Variants in MARCHF3 observed in about 807,000 individuals in gnomAD.
MARCHF3 encodes membrane associated ring-CH-type finger 3.
Under a neutral mutation model 24.2 loss-of-function variants are expected in MARCHF3, and 13 were observed. The ratio of observed to expected loss-of-function variants is 0.54; its 90% CI spans 0.35 to 0.85. MARCHF3 has a LOEUF of 0.85. MARCHF3 is among the 40% of genes least tolerant of loss of function. The probability of loss-of-function intolerance (pLI) is 0.01; values close to 1 mark genes in which losing one functional copy is unlikely to be tolerated. For synonymous variants in MARCHF3, 144 were observed against 137.3 expected, an observed-to-expected ratio of 1.05 and a Z score of -0.34; for missense variants, 276 against 325.0, an observed-to-expected ratio of 0.85 and a Z score of 1.16.
intron 4 of MARCHF3, among the ~76,000 whole-genome samples, chr5:126,873,824 A>G (rs1753053779): frequency 6.6e-6 from 1 of 152,246 alleles, no homozygotes; most frequent in South Asian, 2.1e-4. Context: ...CTTCTTTGTC[A>G]GGGAAAATAA....
intron 1 of MARCHF3, among the ~76,000 whole-genome samples, chr5:126,998,117 T>G (rs752742762): frequency 6.6e-6 from 1 of 151,868 alleles, no homozygotes; most frequent in Admixed American, 6.5e-5. Context: ...ATGGGAAATC[T>G]TGGGTCTTGG....
At chr5:126,953,807 T>A (rs1750335520) in intron 1 of MARCHF3, among the ~76,000 whole-genome samples, 1 of 152,208 alleles carries the variant, frequency 6.6e-6, no homozygotes, top group Admixed American at 6.5e-5. Flanking sequence ...CTTTGTCTGC[T>A]CTTTCTGACG....
At chr5:126,964,089 G>A (rs1028090698) in intron 1 of MARCHF3, among the ~76,000 whole-genome samples, 4 of 152,316 alleles carry the variant, frequency 2.6e-5, no homozygotes, top group Middle Eastern at 6.8e-3. Context: ...AAGATCTTGA[G>A]CTAAGGTTAG....
In MARCHF3 at chr5:126,976,229, C is replaced by T. The variant is rs954838195; in HGVS notation, c.-57+54121G>A. On this transcript the variant is annotated intron_variant, in intron 1 of 4. Coordinates refer to ENST00000308660, the MANE Select transcript of MARCHF3 (RefSeq NM_178450.5). ...TCCTCTATGGGACACACCTGGGTGTCCATACTACAGTGTGGAGGACCTTGA... is the reference window on the plus strand; with the variant it reads ...TCCTCTATGGGACACACCTGGGTGTTCATACTACAGTGTGGAGGACCTTGA... 2.6e-5 allele frequency among the ~76,000 whole-genome samples: 4 copies of T among 152,182 alleles called. No individual in the cohort carries two copies. In the East Asian group the frequency reaches 5.8e-4, roughly 22 times the overall value.
chr5:126,895,653 G>C (rs1385252271), intron 3 of MARCHF3, among the ~76,000 whole-genome samples: 5 of 152,138 alleles, frequency 3.3e-5, no homozygotes, highest in African/African-American at 4.8e-5. Context: ...CCCACTTGAG[G>C]AGGCAGTCTG....
At chr5:126,954,375 ATT>A (rs764704624) in intron 1 of MARCHF3, among the ~76,000 whole-genome samples, 6 of 144,336 alleles carry the variant, frequency 4.2e-5, no homozygotes, top group African/African-American at 2.5e-5. Context: ...TATGGATACA[ATT>A]TTTTTTTTTT....
In MARCHF3 at chr5:126,872,832, C is replaced by T. The variant is rs1753019390; in HGVS notation, c.604-2041G>A. On this transcript the variant is annotated intron_variant, in intron 4 of 4. Coordinates refer to ENST00000308660, the MANE Select transcript of MARCHF3 (RefSeq NM_178450.5). ...GTGCTTTTCTCCAAAAGTCCCTGAA[C>T]ATGCTAAAGTGGATCAGTTTGGTTT... Among the ~76,000 whole-genome samples the T allele has an allele frequency of 2.0e-5, 3 of 152,144 alleles. No individual in the cohort carries two copies. The South Asian group carries it at 6.2e-4, about 32-fold the overall frequency.
intron 1 of MARCHF3, among the ~76,000 whole-genome samples, chr5:126,928,200 A>G (rs1580652521): frequency 6.6e-6 from 1 of 152,328 alleles, no homozygotes; most frequent in South Asian, 2.1e-4. Flanking sequence ...AATTAACACA[A>G]TGTTCCTGAG....
chr5:126,979,279 G>C (rs1751307719), intron 1 of MARCHF3, among the ~76,000 whole-genome samples: 2 of 152,164 alleles, frequency 1.3e-5, no homozygotes, highest in African/African-American at 4.8e-5. Context: ...GTATTTCTAA[G>C]GTCTAGCACA....
intron 3 of MARCHF3, among the ~76,000 whole-genome samples, chr5:126,888,086 C>A (rs1361628271): frequency 6.6e-6 from 1 of 152,172 alleles, no homozygotes; most frequent in Non-Finnish European, 1.5e-5. Context: ...AGAAATAAAT[C>A]CTTCTAAGCC....
At chr5:126,987,997 A>G (rs1194806031) in intron 1 of MARCHF3, among the ~76,000 whole-genome samples, 3 of 152,228 alleles carry the variant, frequency 2.0e-5, no homozygotes, top group Non-Finnish European at 4.4e-5. Flanking sequence ...GAAACTCTGT[A>G]TTATTTTAGT....
At chr5:126,892,985 C>T (rs1208590735) in intron 3 of MARCHF3, among the ~76,000 whole-genome samples, 1 of 151,738 alleles carries the variant, frequency 6.6e-6, no homozygotes, top group East Asian at 1.9e-4. Flanking sequence ...TTGGTCTATT[C>T]AGAGATTCAA....
At chr5:126,915,597 G>A (rs1463064751) in intron 2 of MARCHF3, among the ~76,000 whole-genome samples, 1 of 152,218 alleles carries the variant, frequency 6.6e-6, no homozygotes, top group Non-Finnish European at 1.5e-5. Flanking sequence ...AATGAGAGGA[G>A]GGAAGTTAGC....
chr5:126,939,341 C>T (rs1431919687), intron 1 of MARCHF3, among the ~76,000 whole-genome samples: 6 of 152,072 alleles, frequency 3.9e-5, no homozygotes, highest in African/African-American at 7.2e-5. Context: ...AGTTGTTTGG[C>T]GAGGGTTGAC....
rs58954551 is a variant in MARCHF3 at position 126,951,801 on chromosome 5, G to C, written c.-56-33574C>G. 7.2e-5 allele frequency among the ~76,000 whole-genome samples: 11 copies of C among 152,192 alleles called. No homozygotes were observed. In the East Asian group the frequency reaches 2.1e-3, roughly 29 times the overall value. ...GCACTGACCTTTAATGTTTCCATTT[G>C]AGTTCTTTGGACATTTTTCTCCATT... is the stretch of plus-strand genomic sequence containing the variant. On this transcript the variant is annotated intron_variant, in intron 1 of 4. Transcript: ENST00000308660.
At chr5:126,891,096 G>A (rs1753672170) in intron 3 of MARCHF3, among the ~76,000 whole-genome samples, 1 of 150,490 alleles carries the variant, frequency 6.6e-6, no homozygotes, top group African/African-American at 2.4e-5. Flanking sequence ...CTTTTGAGAA[G>A]TGTCTGTTCA....
At chr5:126,923,087 C>T (rs536997419) in intron 1 of MARCHF3, among the ~76,000 whole-genome samples, 1 of 152,276 alleles carries the variant, frequency 6.6e-6, no homozygotes, top group East Asian at 1.9e-4. Context: ...TGCAGCAAAC[C>T]ACCATGGCAC....
chr5:126,897,590 T>C (rs1016590847), intron 3 of MARCHF3, among the ~76,000 whole-genome samples: 1 of 151,954 alleles, frequency 6.6e-6, no homozygotes, highest in Admixed American at 6.6e-5. Context: ...ATTCAGATAA[T>C]ATAAAAAGTT....
At position 126,889,706 on chromosome 5, in the gene MARCHF3, C is replaced by G. The variant is rs554509207; in HGVS notation, c.394-11312G>C. ...TGCCTAAAAGGGCCCCACATATTTA[C>G]GAGGGCCTGGCTGACTTGGCTGACA... On this transcript the variant is annotated intron_variant, in intron 3 of 4. Coordinates refer to ENST00000308660, the MANE Select transcript of MARCHF3 (RefSeq NM_178450.5). 2.0e-5 allele frequency among the ~76,000 whole-genome samples: 3 copies of G among 152,268 alleles called. No homozygotes were observed. The South Asian group carries it at 6.2e-4, about 32-fold the overall frequency.
Sources: gnomAD v4.1 joint callset for allele counts (sites outside exome capture counted in the v4.1 genomes callset) on GRCh38, gnomAD v4.1.1 for gene constraint, MANE v1.5 for transcripts, NCBI Gene and HGNC (gene_info 2026-07-23, HGNC 2026-07-21) for gene names.